The following TEAD2 variants were observed in gnomAD, a reference collection of about 807,000 sequenced individuals.
The protein encoded by TEAD2 is TEA domain transcription factor 2.
In TEAD2, 51 loss-of-function variants were observed where a neutral mutation model predicts 61.4. That is an observed-to-expected ratio of 0.83 (90% CI 0.66 to 1.05). TEAD2 has a LOEUF of 1.05. TEAD2 is among the 50% of genes least tolerant of loss of function. TEAD2 has a pLI of 0.00. For synonymous variants in TEAD2, 244 were observed against 243.2 expected, an observed-to-expected ratio of 1.00 and a Z score of -0.03; for missense variants, 509 against 600.0, an observed-to-expected ratio of 0.85 and a Z score of 1.58.
At chr19:49,351,264 G>A (rs1568569491) in intron 8 of TEAD2, 37 bp downstream of exon 8, 3 of 1,590,036 alleles carry the variant, frequency 1.9e-6, no homozygotes. Context: ...CGAAGAGAGA[G>A]AGGGGAGACA....
At chr19:49,360,141 C>T in intron 1 of TEAD2, 60 bp from the exon 2 acceptor site, 3 of 1,382,996 alleles carry the variant, frequency 2.2e-6, no homozygotes, top group Non-Finnish European at 3.0e-6. Context: ...GGACTTGAAG[C>T]TGAGAGGGCT....
intron 10 of TEAD2, among the ~76,000 whole-genome samples, chr19:49,346,173 A>T (rs1002758602): frequency 1.7e-4 from 25 of 145,936 alleles, no homozygotes; most frequent in Non-Finnish European, 2.6e-4. Flanking sequence ...CTCAAAAAAA[A>T]AAAAAAAAAA....
In TEAD2 at chr19:49,347,105, C is replaced by G. The variant is rs556689496; in HGVS notation, c.921+85G>C. ...AGTCCCAGGCTGACCTGGTAGGGCCCGCGACAGATTCTCTCAGGGCCAGAG... is the reference window on the plus strand; with the variant it reads ...AGTCCCAGGCTGACCTGGTAGGGCCGGCGACAGATTCTCTCAGGGCCAGAG... On this transcript the variant is annotated intron_variant, in intron 10 of 12. Transcript: ENST00000593945. 1.3e-5 allele frequency: 20 copies of G among 1,540,984 alleles called. No homozygotes were observed. In the East Asian group the frequency reaches 4.5e-4, roughly 35 times the overall value.
intron 3 of TEAD2, among the ~76,000 whole-genome samples, chr19:49,358,165 C>G (rs868353480): frequency 1.3e-5 from 2 of 152,306 alleles, no homozygotes; most frequent in East Asian, 3.9e-4. Flanking sequence ...ACCCGGGAGG[C>G]GGGGCTTCCA....
chr19:49,353,950 G>GTTT (rs1430808102), intron 7 of TEAD2, among the ~76,000 whole-genome samples: 20 of 94,134 alleles, frequency 2.1e-4, no homozygotes, highest in African/African-American at 8.8e-4. Context: ...CCAGCTAATT[G>GTTT]TTTTTTGTTT....
In TEAD2 at chr19:49,347,263, G is replaced by A; in HGVS notation, c.848C>T (p.Pro283Leu). 1 of 1,614,146 alleles carries A rather than the reference G, an allele frequency of 6.2e-7. No individual in the cohort carries two copies. Among genetic ancestry groups the A allele is most frequent in the Non-Finnish European group, 8.5e-7 (1 of 1,180,028 alleles). ...CTCTCGGAGGCCACCCTTTTTCTCA[G>A]GGAATTTGTCGTAGATCTGCCGGAC... Reference protein sequence around the residue: ...VDVRQIYDKFPEKKGGLRELY... With the variant: ...VDVRQIYDKFLEKKGGLRELY... The change falls in exon 10 of 13, where the codon CCT (proline) becomes CTT (leucine). Residue 283 changes from proline (P) to leucine (L), a missense_variant. By Grantham distance (98) the Pro-to-Leu change is moderately conservative. Coordinates refer to ENST00000593945, the MANE Select transcript of TEAD2 (RefSeq NM_001256660.2).
Position 49,359,472 on chromosome 19 carries a change from A to C in TEAD2, c.260T>G (p.Ile87Ser). Residue 87 changes from isoleucine to serine, a missense_variant, in exon 3 of 13, where the codon ATC (isoleucine) becomes AGC (serine). Ile to Ser is a moderately radical substitution (Grantham distance 142). Transcript: ENST00000593945. The surrounding 1 kb of genome is among the most constrained non-coding windows in gnomAD (Gnocchi z 4.1). ...TCGGGTCTTCCCCGTTCTCAGCTTG[A>C]TGTAGCGGGCGATCAGTTCATTCCG... ...YGRNELIARY[I>S]KLRTGKTRTR... 1 of 1,614,070 alleles carries C rather than the reference A, an allele frequency of 6.2e-7. No individual in the cohort carries two copies.
At chr19:49,350,965 T>C (rs1864142) in intron 8 of TEAD2, among the ~76,000 whole-genome samples, 40,748 of 151,620 alleles carry the variant, frequency 0.27, 5,739 homozygotes, top group African/African-American at 0.34. Flanking sequence ...CGGATCACAA[T>C]ATCAAAAGAT....
intron 10 of TEAD2, 35 bp from the exon 11 acceptor site, chr19:49,343,433 G>T: frequency 6.4e-7 from 1 of 1,572,788 alleles, no homozygotes; most frequent in South Asian, 1.2e-5. Context: ...AGTCAGAGGG[G>T]ACATCCCTTA....
intron 3 of TEAD2, 95 bp from the exon 4 acceptor site, chr19:49,357,409 G>T: frequency 7.7e-7 from 1 of 1,299,616 alleles, no homozygotes; most frequent in Non-Finnish European, 1.1e-6. Context: ...CTGAGCTGCT[G>T]GACCATGAAA....
At chr19:49,347,093 C>A in intron 10 of TEAD2, 97 bp downstream of exon 10, 1 of 1,502,316 alleles carries the variant, frequency 6.7e-7, no homozygotes. Flanking sequence ...CCCAGGCTGA[C>A]CTGGTAGGGC....
chr19:49,359,370 A>G lies in TEAD2; in HGVS notation c.297+65T>C. On this transcript the variant is annotated intron_variant, in intron 3 of 12. Coordinates refer to ENST00000593945, the MANE Select transcript of TEAD2 (RefSeq NM_001256660.2). This position sits in a 1 kb window ranked among gnomAD's most constrained non-coding sequence, Gnocchi z 4.1. ...TTCTTCCTTGAACCTGAACCTGCCC[A>G]TGCGAGGATGACCCTAAGAAGACCG... 3 of 1,499,826 alleles carry G rather than the reference A, an allele frequency of 2.0e-6. No homozygotes were observed. Among genetic ancestry groups the G allele is most frequent in the South Asian group, 1.1e-5 (1 of 88,362 alleles). The allele number at this position is 1,499,826 out of a possible 1,614,324, so 92.9% of individuals were successfully genotyped here. A position where few individuals can be genotyped will look rare whatever the true frequency, so the allele number is the denominator to read the frequency against.
chr19:49,352,272 C>T (rs1972073977), intron 7 of TEAD2, among the ~76,000 whole-genome samples: 1 of 152,212 alleles, frequency 6.6e-6, no homozygotes, highest in African/African-American at 2.4e-5. Context: ...CACGTGGCCA[C>T]TGAGCACAAG....
rs940693212 is a variant in TEAD2 at position 49,341,272 on chromosome 19, C to T, written c.*52G>A. The T allele has an allele frequency of 1.3e-6, 2 of 1,481,994 alleles. No individual in the cohort carries two copies. The highest frequency in any genetic ancestry group is 1.9e-6 in the Non-Finnish European group (2 of 1,061,650). 91.8% of individuals were successfully genotyped at this position (1,481,994 alleles called of 1,614,324 possible). A position where few individuals can be genotyped will look rare whatever the true frequency, so the allele number is the denominator to read the frequency against. ...AGAAGCATGAGGTGAGCTGGAGGAC[C>T]CTCCCTGGGAGGAGGGTGTTCTGGG... On this transcript the variant is annotated 3_prime_UTR_variant, in exon 13 of 13. Coordinates refer to ENST00000593945, the MANE Select transcript of TEAD2 (RefSeq NM_001256660.2). The surrounding 1 kb of genome is among the most constrained non-coding windows in gnomAD (Gnocchi z 4.2).
At position 49,359,501 on chromosome 19, in the gene TEAD2, T is replaced by G; in HGVS notation, c.233-2A>C. On this transcript the variant is annotated splice_acceptor_variant, in intron 2 of 12. Transcript: ENST00000593945. LOFTEE classifies it high-confidence loss of function. The surrounding 1 kb of genome is among the most constrained non-coding windows in gnomAD (Gnocchi z 4.1). Reference sequence around the variant, plus strand: ...AGCGGGCGATCAGTTCATTCCGACCTGAAGATTCAAAGACGGAACAGAGTT... The same window carrying G: ...AGCGGGCGATCAGTTCATTCCGACCGGAAGATTCAAAGACGGAACAGAGTT... 1.2e-6 allele frequency: 2 copies of G among 1,613,974 alleles called. No homozygotes were observed. Among genetic ancestry groups the G allele is most frequent in the Non-Finnish European group, 1.7e-6 (2 of 1,179,976 alleles).
At chr19:49,355,460 A>C in intron 5 of TEAD2, 41 bp from the exon 6 acceptor site, 316 of 1,513,326 alleles carry the variant, frequency 2.1e-4, no homozygotes, top group Middle Eastern at 3.6e-4. Context: ...GGGGCATCTC[A>C]GTCAACATGG....
At chr19:49,345,013 A>T (rs144259998) in intron 10 of TEAD2, among the ~76,000 whole-genome samples, 50 of 152,216 alleles carry the variant, frequency 3.3e-4, no homozygotes, top group African/African-American at 1.2e-3. Flanking sequence ...GCCCGACTCC[A>T]TCTCTCACCG....
chr19:49,349,897 G>A lies in TEAD2; in HGVS notation c.605-1052C>T, dbSNP rs564040632. 8.5e-5 allele frequency among the ~76,000 whole-genome samples: 13 copies of A among 152,330 alleles called. No homozygotes were observed. The East Asian group carries it at 2.5e-3, about 29-fold the overall frequency. ...TTGGGACAATAAGACAGACATGAGA[G>A]GAACTACAGAGATTCCAGTCCTGAT... On this transcript the variant is annotated intron_variant, in intron 8 of 12. Transcript: ENST00000593945.
chr19:49,346,031 C>G (rs77766480), intron 10 of TEAD2, among the ~76,000 whole-genome samples: 1 of 151,028 alleles, frequency 6.6e-6, no homozygotes, highest in Non-Finnish European at 1.5e-5. Flanking sequence ...TGGGCATGGT[C>G]GTGCATGCCT....
Sources: gnomAD v4.1 joint callset for allele counts (sites outside exome capture counted in the v4.1 genomes callset) on GRCh38, gnomAD v4.1.1 for gene constraint, Gnocchi (gnomAD v3.1) non-coding constraint, MANE v1.5 for transcripts, NCBI Gene and HGNC (gene_info 2026-07-23, HGNC 2026-07-21) for gene names.